Variants in GJB1 observed in about 807,000 individuals in gnomAD.
GJB1 encodes the protein gap junction protein beta 1, also known as gap junction beta-1 protein.
A neutral mutation model predicts 12.0 loss-of-function variants in GJB1; 1 was observed. The ratio of observed to expected loss-of-function variants is 0.08; its 90% CI spans 0.03 to 0.40. GJB1 has a LOEUF of 0.40. Among genes scored for constraint, GJB1 ranks in the 10% least tolerant of loss-of-function variants. The pLI is 0.98. For synonymous variants in GJB1, 114 were observed against 102.8 expected (o/e 1.11, Z -0.66); for missense variants, 140 against 250.3 (o/e 0.56, Z 2.97).
At chrX:71,221,924 C>T (rs927051131), upstream of GJB1, among the ~76,000 whole-genome samples, 1 of 108,498 alleles carries the variant, frequency 9.2e-6, no homozygotes, top group Non-Finnish European at 1.9e-5. Flanking sequence ...CGCTTGAGCC[C>T]AGGAGTTCAA....
chrX:71,218,341 G>C (rs1374777238), upstream of GJB1, among the ~76,000 whole-genome samples: 1 of 107,504 alleles, frequency 9.3e-6, no homozygotes, highest in African/African-American at 3.4e-5. Context: ...GGGGAGAAGG[G>C]GCTAAAAGAA....
upstream of GJB1, among the ~76,000 whole-genome samples, chrX:71,220,822 G>A (rs185981910): frequency 9.5e-6 from 1 of 105,177 alleles, no homozygotes; most frequent in Non-Finnish European, 1.9e-5. Flanking sequence ...ATAATTCTCT[G>A]GCCACCTGTT....
In GJB1 at chrX:71,223,706, G is replaced by A; in HGVS notation, c.-2G>A. ...GTGTTTTGCAGGTGTGAATGAGGCA[G>A]GATGAACTGGACAGGTTTGTACACC... On this transcript the variant is annotated 5_prime_UTR_variant, in exon 2 of 2. Transcript: ENST00000361726. 8.3e-7 allele frequency: 1 copy of A among 1,210,555 alleles called. No individual in the cohort carries two copies.
In GJB1 at chrX:71,224,663, C is replaced by T. The variant is rs1374004037; in HGVS notation, c.*104C>T. The T allele has an allele frequency of 4.1e-6, 3 of 724,927 alleles. No individual in the cohort carries two copies. Among genetic ancestry groups the T allele is most frequent in the African/African-American group, 4.3e-5 (2 of 46,490 alleles). 59.7% of individuals were successfully genotyped at this position (724,927 alleles called of 1,213,427 possible). On this transcript the variant is annotated 3_prime_UTR_variant, in exon 2 of 2. Coordinates refer to ENST00000361726, the MANE Select transcript of GJB1 (RefSeq NM_000166.6). ...AGGCCTCTGCCTGCTGGGGATTACT[C>T]GATCAAAACCTTCCTTCCCTGGCTA...
upstream of GJB1, chrX:71,223,129 G>A (rs1320329664): frequency 6.0e-5 from 8 of 132,404 alleles, no homozygotes; most frequent in African/African-American, 1.6e-4. Context: ...AAGTCAGGGC[G>A]TTTGATCTGA....
In GJB1 at chrX:71,224,961, G is replaced by A. The variant is rs753223616; in HGVS notation, c.*402G>A. Reference sequence around the variant, plus strand: ...AGGAGGGATGTGGGTAAGAGGAGCAGAGGGCAGGGGTGCTGTGGACATGTG... The same window carrying A: ...AGGAGGGATGTGGGTAAGAGGAGCAAAGGGCAGGGGTGCTGTGGACATGTG... On this transcript the variant is annotated 3_prime_UTR_variant, in exon 2 of 2. Coordinates refer to ENST00000361726, the MANE Select transcript of GJB1 (RefSeq NM_000166.6). The A allele has an allele frequency of 4.9e-5, 11 of 223,548 alleles. No homozygotes were observed. The highest frequency in any genetic ancestry group is 9.4e-5 in the Non-Finnish European group (11 of 116,547). The allele number at this position is 223,548 out of a possible 1,213,427, so 18.4% of individuals were successfully genotyped here. A position where few individuals can be genotyped will look rare whatever the true frequency, so the allele number is the denominator to read the frequency against.
chrX:71,220,135 G>GCCCAGCC (rs2092533989), upstream of GJB1, among the ~76,000 whole-genome samples: 1 of 74,838 alleles, frequency 1.3e-5, no homozygotes, highest in African/African-American at 8.0e-5. Flanking sequence ...GAGCCACTGT[G>GCCCAGCC]CCTGGCCTTT....
upstream of GJB1, chrX:71,223,202 C>A (rs1290291913): frequency 1.1e-5 from 2 of 175,025 alleles, no homozygotes; most frequent in Non-Finnish European, 2.2e-5. Context: ...GGGTATAAAG[C>A]AGCATATGAC....
chrX:71,218,200 G>T (rs919568256), intron 1 of GJB1, among the ~76,000 whole-genome samples: 2 of 110,679 alleles, frequency 1.8e-5, no homozygotes, highest in Non-Finnish European at 3.8e-5. Flanking sequence ...GCTGAGGCAG[G>T]AGAATCATTT....
At position 71,224,286 on chromosome X, in the gene GJB1, C is replaced by T. The variant is rs1602349697; in HGVS notation, c.579C>T (p.Phe193=). Reference sequence around the variant, plus strand: ...CCGAGAAAACCGTCTTCACCGTCTTCATGCTAGCTGCCTCTGGCATCTGCA... The same window carrying T: ...CCGAGAAAACCGTCTTCACCGTCTTTATGCTAGCTGCCTCTGGCATCTGCA... ...RPTEKTVFTV[F]MLAASGICII... The change falls in exon 2 of 2, where the codon TTC becomes TTT. Residue 193 remains phenylalanine (F), a synonymous_variant. Coordinates refer to ENST00000361726, the MANE Select transcript of GJB1 (RefSeq NM_000166.6). 2 of 1,206,480 alleles carry T rather than the reference C, an allele frequency of 1.7e-6. No individual in the cohort carries two copies. Among genetic ancestry groups the T allele is most frequent in the East Asian group, 5.9e-5 (2 of 33,717 alleles).
chrX:71,218,162 C>T (rs1317313944), intron 1 of GJB1, among the ~76,000 whole-genome samples: 3 of 110,334 alleles, frequency 2.7e-5, no homozygotes, highest in Admixed American at 9.8e-5. Flanking sequence ...TGTGGTGACA[C>T]GCACCTGTAA....
upstream of GJB1, among the ~76,000 whole-genome samples, chrX:71,220,856 C>T (rs889619214): frequency 1.3e-4 from 13 of 103,845 alleles, no homozygotes; most frequent in Non-Finnish European, 2.5e-4. Flanking sequence ...CATCTCACCA[C>T]CTGAAGCATT....
chrX:71,218,840 C>T (rs951351337), upstream of GJB1, among the ~76,000 whole-genome samples: 31 of 106,961 alleles, frequency 2.9e-4, no homozygotes, highest in Middle Eastern at 9.4e-3. Flanking sequence ...GAGCCGAGAT[C>T]GCGCCACTGC....
At chrX:71,217,135 T>TGTGC (rs1457989080) in intron 1 of GJB1, among the ~76,000 whole-genome samples, 11 of 109,220 alleles carry the variant, frequency 1.0e-4, no homozygotes, top group Admixed American at 6.8e-4. Flanking sequence ...TGTGTGTGTG[T>TGTGC]GTGTGCGTGT....
At position 71,224,516 on chromosome X, in the gene GJB1, G is replaced by C; in HGVS notation, c.809G>C (p.Gly270Ala). 2.5e-6 allele frequency: 3 copies of C among 1,195,872 alleles called. No homozygotes were observed. Among genetic ancestry groups the C allele is most frequent in the Non-Finnish European group, 3.4e-6 (3 of 887,411 alleles). The change falls in exon 2 of 2, where the codon GGG becomes GCG. Residue 270 changes from glycine to alanine, a missense_variant. Coordinates refer to ENST00000361726, the MANE Select transcript of GJB1 (RefSeq NM_000166.6). ...KDILRRSPGTGAGLAEKSDRC... is the reference protein window; with the variant it reads ...KDILRRSPGTAAGLAEKSDRC... ...ATACTGCGCCGCAGCCCTGGCACCG[G>C]GGCTGGGCTGGCTGAAAAGAGCGAC...
intron 1 of GJB1, among the ~76,000 whole-genome samples, chrX:71,217,131 T>G (rs1315191001): frequency 9.1e-6 from 1 of 110,203 alleles, no homozygotes; most frequent in Non-Finnish European, 1.9e-5. Flanking sequence ...TGTGTGTGTG[T>G]GTGTGTGTGC....
In GJB1 at chrX:71,225,468, C is replaced by T. The variant is rs2092548664; in HGVS notation, c.*909C>T. 8.2e-6 allele frequency: 1 copy of T among 122,602 alleles called. No homozygotes were observed. Among genetic ancestry groups the T allele is most frequent in the Non-Finnish European group, 1.9e-5 (1 of 53,139 alleles). The allele number at this position is 122,602 out of a possible 1,213,427, so 10.1% of individuals were successfully genotyped here. A position where few individuals can be genotyped will look rare whatever the true frequency, so the allele number is the denominator to read the frequency against. On this transcript the variant is annotated 3_prime_UTR_variant, in exon 2 of 2. Coordinates refer to ENST00000361726, the MANE Select transcript of GJB1 (RefSeq NM_000166.6). The stretch of plus-strand genomic sequence containing the variant: ...GCTTTATTGGGATTTAGTTTACATA[C>T]CTCCTTCCTCTGATTTTGAAAAGAT...
At position 71,216,252 on chromosome X, in the gene GJB1, A is replaced by C. The variant is rs148919496; in HGVS notation, c.-17+981A>C. 1.9e-3 allele frequency among the ~76,000 whole-genome samples: 207 copies of C among 111,016 alleles called. 4 individuals are homozygous for C. In the East Asian group the frequency reaches 0.05, roughly 27 times the overall value. On this transcript the variant is annotated intron_variant, in intron 1 of 1. Transcript: ENST00000374029. ...TTGGGAATGGCACAGCAGAATGTGT[A>C]AACTTAGAAAATGAAATGAGGAGAG...
chrX:71,221,511 G>A (rs1438760130), upstream of GJB1, among the ~76,000 whole-genome samples: 2 of 110,199 alleles, frequency 1.8e-5, no homozygotes, highest in African/African-American at 6.6e-5. Context: ...GACCACCCAG[G>A]GCTGAATATG....
Sources: allele counts gnomAD v4.1 joint callset (sites outside exome capture counted in the v4.1 genomes callset), GRCh38; gene constraint gnomAD v4.1.1; transcripts MANE v1.5; gene names NCBI Gene and HGNC (gene_info 2026-07-23, HGNC 2026-07-21).